DMD: variants seen among roughly 807,000 people sequenced by gnomAD.
The protein encoded by DMD is mutant dystrophin.
Under a neutral mutation model 330.1 loss-of-function variants are expected in DMD, and 63 were observed. The ratio of observed to expected loss-of-function variants is 0.19; its 90% confidence interval spans 0.16 to 0.24. The LOEUF (loss-of-function observed/expected upper bound fraction) is 0.24. DMD is among the 10% of genes least tolerant of loss of function. DMD has a pLI of 1.00. For synonymous variants in DMD, 1,223 were observed against 959.8 expected (o/e 1.27, Z -5.07); for missense variants, 3,344 against 2,684.1 (o/e 1.25, Z -5.43).
intron 44 of DMD, among the ~76,000 whole-genome samples, chrX:32,200,303 A>T (rs1468467380): frequency 1.8e-5 from 2 of 111,770 alleles, no homozygotes; most frequent in African/African-American, 6.5e-5. Context: ...GTTATAAAAA[A>T]CTCATGATGC....
chrX:31,828,205 A>G (rs1374421913), intron 49 of DMD, among the ~76,000 whole-genome samples: 1 of 112,326 alleles, frequency 8.9e-6, no homozygotes, highest in African/African-American at 3.2e-5. Context: ...AATAAGCTCA[A>G]GTAGAAATGA....
chrX:31,587,355 G>C (rs1344853775), intron 55 of DMD, among the ~76,000 whole-genome samples: 1 of 111,946 alleles, frequency 8.9e-6, no homozygotes, highest in Non-Finnish European at 1.9e-5. Flanking sequence ...TAAAGTGTAT[G>C]TGAGGTAATG....
intron 7 of DMD, among the ~76,000 whole-genome samples, chrX:32,782,531 A>T (rs2074876454): frequency 1.8e-5 from 2 of 111,261 alleles, no homozygotes; most frequent in African/African-American, 6.5e-5. Flanking sequence ...CAGAAAGAAA[A>T]TAGGGCCAGT....
At chrX:32,376,930 A>G (rs1055752774) in intron 34 of DMD, among the ~76,000 whole-genome samples, 3 of 111,452 alleles carry the variant, frequency 2.7e-5, no homozygotes, top group African/African-American at 9.8e-5. Context: ...CTAATTTAGG[A>G]TAGGAAATTT....
At chrX:32,350,781 T>C (rs1403766514) in intron 37 of DMD, among the ~76,000 whole-genome samples, 3 of 111,419 alleles carry the variant, frequency 2.7e-5, no homozygotes, top group Admixed American at 9.6e-5. Flanking sequence ...TCCAGCACAG[T>C]AGTCAAGGCT....
chrX:32,308,306 T>C (rs954455662), intron 42 of DMD, among the ~76,000 whole-genome samples: 1 of 111,632 alleles, frequency 9.0e-6, no homozygotes, highest in African/African-American at 3.2e-5. Context: ...GTTCTGTAAT[T>C]TGATTCATGC....
At chrX:32,407,841 G>T (rs1193587402) in intron 30 of DMD, among the ~76,000 whole-genome samples, 108 of 108,086 alleles carry the variant, frequency 1.0e-3, no homozygotes, top group Non-Finnish European at 1.7e-3. Context: ...GATGAAGCTG[G>T]AAACCATCAT....
At chrX:32,822,450 A>G (rs1467389267) in intron 5 of DMD, among the ~76,000 whole-genome samples, 2 of 110,279 alleles carry the variant, frequency 1.8e-5, no homozygotes, top group African/African-American at 6.6e-5. Context: ...AGTGGAAAAT[A>G]TTAGTGGATA....
chrX:33,264,477 G>A (rs780973497), intron 1 of DMD, among the ~76,000 whole-genome samples: 1 of 110,597 alleles, frequency 9.0e-6, no homozygotes, highest in East Asian at 2.8e-4. Context: ...CTAAAGTCTT[G>A]TTTAAAACTT....
chrX:32,724,169 G>A (rs2066625975), intron 7 of DMD, among the ~76,000 whole-genome samples: 2 of 111,864 alleles, frequency 1.8e-5, no homozygotes, highest in Admixed American at 1.9e-4. Context: ...TGGTCCAACT[G>A]GAATGTATAA....
At chrX:32,352,558 G>A (rs1239764402) in intron 37 of DMD, among the ~76,000 whole-genome samples, 1 of 110,527 alleles carries the variant, frequency 9.0e-6, no homozygotes, top group African/African-American at 3.3e-5. Flanking sequence ...AAGCTCAGTG[G>A]CCACATGTGG....
At chrX:33,214,236 T>C (rs111276596), upstream of DMD, among the ~76,000 whole-genome samples, 6,326 of 110,878 alleles carry the variant, frequency 0.057, 468 homozygotes, top group African/African-American at 0.2. Flanking sequence ...AAAACAATCA[T>C]GTAGTTTTTC....
chrX:31,146,544 T>A, intron 75 of DMD, 130 bp from the exon 76 acceptor site: 2 of 648,418 alleles, frequency 3.1e-6, no homozygotes, highest in South Asian at 5.1e-5. Context: ...TCCCAAAGAT[T>A]GTTTAATTTG....
At chrX:32,596,702 C>G (rs1392174711) in intron 12 of DMD, among the ~76,000 whole-genome samples, 2 of 109,922 alleles carry the variant, frequency 1.8e-5, no homozygotes, top group African/African-American at 6.6e-5. Flanking sequence ...CACACCACCA[C>G]GCCCAGCTAA....
chrX:32,469,646 G>A (rs2040414554), intron 22 of DMD, among the ~76,000 whole-genome samples: 1 of 110,836 alleles, frequency 9.0e-6, no homozygotes, highest in Non-Finnish European at 1.9e-5. Flanking sequence ...TGATTATTTA[G>A]ACAATATCTA....
chrX:32,925,150 T>G (rs867427690), intron 2 of DMD, among the ~76,000 whole-genome samples: 874 of 85,131 alleles, frequency 0.01, 9 homozygotes, highest in South Asian at 0.032. Flanking sequence ...TCTGGGTTTT[T>G]TTTTTTTTTT....
chrX:32,659,129 G>T (rs774649455), intron 9 of DMD, among the ~76,000 whole-genome samples: 3 of 111,724 alleles, frequency 2.7e-5, no homozygotes, highest in Non-Finnish European at 3.8e-5. Context: ...GGTTCAATTA[G>T]ATTTTAGGTT....
intron 34 of DMD, among the ~76,000 whole-genome samples, chrX:32,374,786 G>T (rs1019767690): frequency 2.7e-5 from 3 of 111,638 alleles, no homozygotes; most frequent in African/African-American, 9.8e-5. Flanking sequence ...AGCTGTTCAG[G>T]CCCTTTCTTG....
intron 44 of DMD, among the ~76,000 whole-genome samples, chrX:32,123,241 A>C (rs1230180827): frequency 1.1e-5 from 1 of 88,045 alleles, no homozygotes; most frequent in Admixed American, 1.3e-4. Context: ...ATATATATAT[A>C]TAAATGATCA....
Sources: allele counts gnomAD v4.1 joint callset (sites outside exome capture counted in the v4.1 genomes callset), GRCh38; gene constraint gnomAD v4.1.1; transcripts MANE v1.5; gene names NCBI Gene and HGNC (gene_info 2026-07-23, HGNC 2026-07-21).